Variants in NCOR1 observed in about 807,000 individuals in gnomAD.
NCOR1 encodes protein phosphatase 1, regulatory subunit 109.
NCOR1 carries 63 observed loss-of-function variants against 288.1 expected under a neutral mutation model. The observed-to-expected ratio is 0.22, with a 90% CI of 0.18 to 0.27. The LOEUF (loss-of-function observed/expected upper bound fraction) is 0.27, where lower values mean the gene tolerates loss of function less well. Among genes scored for constraint, NCOR1 ranks in the 10% least tolerant of loss-of-function variants. The pLI, the probability that NCOR1 is intolerant of heterozygous loss-of-function variation, is 1.00. For synonymous variants in NCOR1, 1,007 were observed against 1,065.9 expected (o/e 0.94, Z 1.08); for missense variants, 2,397 against 3,019.2 (o/e 0.79, Z 4.83).
Position 16,185,828 on chromosome 17 carries a change from CTGGGAGACTAAGG to C in NCOR1, c.242+713_242+725del, listed in dbSNP as rs563943947. 2.5e-4 allele frequency among the ~76,000 whole-genome samples: 38 copies of C among 149,282 alleles called. 2 individuals are homozygous for C. In the South Asian group the frequency reaches 6.6e-3, roughly 26 times the overall value. On this transcript the variant is annotated intron_variant, in intron 3 of 45. Coordinates refer to ENST00000268712, the MANE Select transcript of NCOR1 (RefSeq NM_006311.4). ...AAAAAATACAAAAAATTAGCCAGGA[CTGGGAGACTAAGG>C]TGGGAGAATCACTTGAGCCCAGGAG... is the stretch of plus-strand genomic sequence containing the variant.
chr17:16,149,399 A>G, intron 9 of NCOR1, 52 bp downstream of exon 9: 1 of 1,080,944 alleles, frequency 9.3e-7, no homozygotes, highest in Non-Finnish European at 1.3e-6. Context: ...TGCCTAAATG[A>G]GCATGAATGG....
At chr17:16,094,863 A>C (rs2066085054) in intron 21 of NCOR1, among the ~76,000 whole-genome samples, 2 of 152,170 alleles carry the variant, frequency 1.3e-5, no homozygotes, top group Non-Finnish European at 2.9e-5. Flanking sequence ...TCGTTAACTC[A>C]GTGCTCAATG....
Position 16,061,849 on chromosome 17 carries a change from G to A in NCOR1, c.5433C>T (p.Ala1811=). Residue 1811 remains alanine (A), a synonymous_variant, in exon 37 of 46, where the codon GCC becomes GCT. Transcript: ENST00000268712. ...GGPSISQGLP[A]SRYNTAADAL... ...CATCCGCAGCAGTGTTGTAACGGGA[G>A]GCTGGCAGGCCTTGGCTTATTGAAG... 1.9e-6 allele frequency: 3 copies of A among 1,613,894 alleles called. No individual in the cohort carries two copies. Among genetic ancestry groups the A allele is most frequent in the Non-Finnish European group, 2.5e-6 (3 of 1,179,868 alleles).
Position 16,127,310 on chromosome 17 carries a change from CAT to C in NCOR1, c.1510-1106_1510-1105del, listed in dbSNP as rs1491212885. 2.4e-3 allele frequency among the ~76,000 whole-genome samples: 101 copies of C among 42,722 alleles called. 24 individuals carry two copies. The highest frequency in any genetic ancestry group is 6.3e-3 in the South Asian group (12 of 1,902). The allele number at this position is 42,722 out of a possible 152,430, so 28.0% of individuals were successfully genotyped here. On this transcript the variant is annotated intron_variant, in intron 14 of 45. Transcript: ENST00000268712. Reference sequence around the variant, plus strand: ...GTATATATGTATGTATGTATATATACATGTATGTATATATGTATGTATATATA... The same window carrying C: ...GTATATATGTATGTATGTATATATACGTATGTATATATGTATGTATATATA...
At chr17:16,206,361 C>T (rs9897073) in intron 1 of NCOR1, among the ~76,000 whole-genome samples, 4,762 of 151,834 alleles carry the variant, frequency 0.031, 122 homozygotes, top group African/African-American at 0.058. Flanking sequence ...ATCTAGTGAC[C>T]GTAAGTTGAT....
chr17:16,070,015 T>G, intron 31 of NCOR1, 150 bp downstream of exon 31: 2 of 943,030 alleles, frequency 2.1e-6, no homozygotes, highest in Non-Finnish European at 3.0e-6. Context: ...TTTAAATTAG[T>G]AGCCTTCCAT....
chr17:16,088,796 T>A (rs937879574), intron 22 of NCOR1, among the ~76,000 whole-genome samples: 1 of 152,138 alleles, frequency 6.6e-6, no homozygotes, highest in Non-Finnish European at 1.5e-5. Context: ...GCGATTTTTT[T>A]AAAAGCAGTA....
chr17:16,144,751 G>A (rs1029507707), intron 10 of NCOR1, among the ~76,000 whole-genome samples: 4 of 150,018 alleles, frequency 2.7e-5, no homozygotes, highest in African/African-American at 7.4e-5. Context: ...CGCTTCTCCC[G>A]CTTTCCACGA....
chr17:16,166,446 TGACGCAG>T (rs2082013720), intron 4 of NCOR1, among the ~76,000 whole-genome samples: 1 of 152,146 alleles, frequency 6.6e-6, no homozygotes, highest in Admixed American at 6.5e-5. Flanking sequence ...TTTGGGATGC[TGACGCAG>T]GCAGATCACA....
At chr17:16,167,524 A>C (rs1432177864) in intron 4 of NCOR1, among the ~76,000 whole-genome samples, 2 of 152,140 alleles carry the variant, frequency 1.3e-5, no homozygotes, top group East Asian at 3.8e-4. Context: ...AAGATATAAA[A>C]GACATTAGTT....
chr17:16,073,554 C>A lies in NCOR1; in HGVS notation c.3686G>T (p.Arg1229Leu), dbSNP rs139458532. The A allele has an allele frequency of 1.7e-5, 28 of 1,606,936 alleles. No homozygotes were observed. Among genetic ancestry groups the A allele is most frequent in the Non-Finnish European group, 8.5e-7 (1 of 1,177,010 alleles). Reference sequence around the variant, plus strand: ...TGTTCTTGGACTCCTAGTCCCTTCTCGGGCATTCTTAATATCTACAGAATA... The same window carrying A: ...TGTTCTTGGACTCCTAGTCCCTTCTAGGGCATTCTTAATATCTACAGAATA... Reference protein sequence around the residue: ...ILSYDNIKNAREGTRSPRTAH... With the variant: ...ILSYDNIKNALEGTRSPRTAH... Residue 1229 changes from arginine (R) to leucine (L), a missense_variant, in exon 28 of 46, where the codon CGA (arginine) becomes CTA (leucine). This residue lies in a region of NCOR1 where 1,872 missense variants were observed against 2,187.8 expected (regional missense o/e 0.86). Transcript: ENST00000268712.
rs1185594748 is a variant in NCOR1, at chr17:16,088,621, G to C, written c.3017-2179C>G. ...TTTTGTAAGGTGCTTTTAAAAATCA[G>C]AAACAATTACAAAAATATCAACTGA... On this transcript the variant is annotated intron_variant, in intron 22 of 45. Transcript: ENST00000268712. Among the ~76,000 whole-genome samples, 4 of 152,132 alleles carry C rather than the reference G, an allele frequency of 2.6e-5. No individual in the cohort carries two copies. The East Asian group carries it at 7.7e-4, about 29-fold the overall frequency.
chr17:16,090,867 A>T (rs2065057239), intron 22 of NCOR1, among the ~76,000 whole-genome samples: 1 of 152,190 alleles, frequency 6.6e-6, no homozygotes, highest in African/African-American at 2.4e-5. Flanking sequence ...AATGCATGGC[A>T]TTGTAAAGCT....
rs1568108386 is a variant in NCOR1, at chr17:16,114,160, A to AAAAAC, written c.2055+3727_2055+3728insGTTTT. Among the ~76,000 whole-genome samples the AAAAAC allele has an allele frequency of 1.4e-3, 145 of 106,928 alleles. 15 individuals carry two copies. The highest frequency in any genetic ancestry group is 5.1e-3 in the Middle Eastern group (1 of 196). The allele number at this position is 106,928 out of a possible 152,430, so 70.1% of individuals were successfully genotyped here. On this transcript the variant is annotated intron_variant, in intron 18 of 45. Coordinates refer to ENST00000268712, the MANE Select transcript of NCOR1 (RefSeq NM_006311.4). ...GCGGCAGGCAAAAAAAAAAAAAAAA[A>AAAAAC]AAAAAAAAACTTGTGCAGGGGAACT...
intron 42 of NCOR1, 195 bp from the exon 43 acceptor site, chr17:16,040,689 C>T: frequency 4.9e-6 from 3 of 608,136 alleles, no homozygotes; most frequent in Non-Finnish European, 8.9e-6. Context: ...GTTGCCCAGG[C>T]TATTTTTAAA....
Position 16,079,968 on chromosome 17 carries a change from G to A in NCOR1, c.3497C>T (p.Thr1166Ile). The change falls in exon 26 of 46, where the codon ACT (threonine) becomes ATT (isoleucine). Residue 1166 changes from threonine to isoleucine, a missense_variant. Physicochemically the swap from Thr to Ile is moderately conservative, Grantham distance 89. This residue lies in a region of NCOR1 where 1,872 missense variants were observed against 2,187.8 expected (regional missense o/e 0.86). Transcript: ENST00000268712. The part of the protein sequence containing the change: ...ESIPSLRGSI[T>I]QGTPALPQTG... ...TCAGAGATGATCGTGACTAACCTGA[G>A]TGATAGAGCCCCGTAGGGATGGAAT... 3 of 1,612,352 alleles carry A rather than the reference G, an allele frequency of 1.9e-6. No homozygotes were observed. The highest frequency in any genetic ancestry group is 1.7e-6 in the Non-Finnish European group (2 of 1,178,424).
chr17:16,053,558 G>GA (rs1567723556), intron 40 of NCOR1, among the ~76,000 whole-genome samples: 1 of 152,022 alleles, frequency 6.6e-6, no homozygotes, highest in African/African-American at 2.4e-5. Flanking sequence ...GATAAAAAAT[G>GA]AAAAAACATT....
rs147974760 is a variant in NCOR1 at position 16,155,252 on chromosome 17, G to C, written c.733-1857C>G. On this transcript the variant is annotated intron_variant, in intron 6 of 45. Coordinates refer to ENST00000268712, the MANE Select transcript of NCOR1 (RefSeq NM_006311.4). ...TATAATCCCAGCTACTTGGGAGGCT[G>C]AGGCGGGAGAATCACTTGAACCCGG... is the stretch of plus-strand genomic sequence containing the variant. 4.3e-3 allele frequency among the ~76,000 whole-genome samples: 651 copies of C among 151,860 alleles called. 8 individuals are homozygous for C. Among genetic ancestry groups the C allele is most frequent in the African/African-American group, 0.015 (608 of 41,408 alleles).
intron 44 of NCOR1, among the ~76,000 whole-genome samples, chr17:16,038,368 T>TACA (rs1555541090): frequency 6.6e-6 from 1 of 152,206 alleles, no homozygotes; most frequent in African/African-American, 2.4e-5. Flanking sequence ...GCTTATCAGA[T>TACA]ACAAGCATTA....
Sources: gnomAD v4.1 joint callset for allele counts (sites outside exome capture counted in the v4.1 genomes callset) on GRCh38, gnomAD v4.1.1 for gene constraint, gnomAD v4.1.1 regional missense constraint, MANE v1.5 for transcripts, NCBI Gene and HGNC (gene_info 2026-07-23, HGNC 2026-07-21) for gene names.